Variants in UIMC1 observed in about 807,000 individuals in gnomAD.
UIMC1 encodes the protein ubiquitin interaction motif containing 1.
A neutral mutation model predicts 84.9 loss-of-function variants in UIMC1; 42 were observed. The ratio of observed to expected loss-of-function variants is 0.49; its 90% CI spans 0.39 to 0.64. The LOEUF (loss-of-function observed/expected upper bound fraction) is 0.64, where lower values mean the gene tolerates loss of function less well. UIMC1 is among the 30% of genes least tolerant of loss of function. The pLI is 0.00. For missense variants in UIMC1, 825 were observed against 847.6 expected (o/e 0.97, Z 0.33); for synonymous variants, 281 against 293.0 (o/e 0.96, Z 0.42).
chr5:176,906,020 C>A lies in UIMC1; in HGVS notation c.1940G>T (p.Gly647Val). The A allele has an allele frequency of 6.2e-7, 1 of 1,614,044 alleles. No individual in the cohort carries two copies. Among genetic ancestry groups the A allele is most frequent in the Non-Finnish European group, 8.5e-7 (1 of 1,179,962 alleles). The change falls in exon 14 of 15, where the codon GGA (glycine) becomes GTA (valine). Residue 647 changes from glycine to valine, a missense_variant. Physicochemically the swap from Gly to Val is moderately radical, Grantham distance 109. Coordinates refer to ENST00000511320, the MANE Select transcript of UIMC1 (RefSeq NM_001199298.2). ...SDADIKSSET[G>V]AFRVPSPGME... ...GCACAATCCAATTCACCTGAAGGCTCCTGTTTCTGAAGACTTGATGTCTGC... is the reference window on the plus strand; with the variant it reads ...GCACAATCCAATTCACCTGAAGGCTACTGTTTCTGAAGACTTGATGTCTGC...
chr5:177,020,722 G>A (rs920774448), intron 1 of UIMC1, among the ~76,000 whole-genome samples: 7 of 152,112 alleles, frequency 4.6e-5, no homozygotes, highest in Admixed American at 1.3e-4. Flanking sequence ...GAGCCACTGC[G>A]CCAGGCCTAC....
intron 11 of UIMC1, among the ~76,000 whole-genome samples, chr5:176,910,309 A>AT (rs1254525406): frequency 2.0e-5 from 3 of 152,230 alleles, no homozygotes; most frequent in Non-Finnish European, 4.4e-5. Flanking sequence ...TAACTGCTCT[A>AT]ATCTACTGTT....
rs1368366632 is a variant in UIMC1 at position 176,906,044 on chromosome 5, G to C, written c.1916C>G (p.Ala639Gly). The C allele has an allele frequency of 1.9e-6, 3 of 1,613,676 alleles. No homozygotes were observed. The highest frequency in any genetic ancestry group is 1.3e-5 in the African/African-American group (1 of 74,914). ...LEQSEHKTSD[A>G]DIKSSETGAF... is the part of the protein sequence containing the mutation. ...TCCTGTTTCTGAAGACTTGATGTCT[G>C]CATCTGTGATATAAAAGAAAAAATA... The change falls in exon 14 of 15, where the codon GCA becomes GGA. Residue 639 changes from alanine (A) to glycine (G), a missense_variant. Physicochemically the swap from Ala to Gly is moderately conservative, Grantham distance 60. Coordinates refer to ENST00000511320, the MANE Select transcript of UIMC1 (RefSeq NM_001199298.2).
chr5:176,942,661 G>A (rs1764574137), intron 10 of UIMC1, among the ~76,000 whole-genome samples: 2 of 151,364 alleles, frequency 1.3e-5, no homozygotes, highest in African/African-American at 4.9e-5. Flanking sequence ...CAGGAGAATG[G>A]TGTGAACCCA....
At position 176,966,935 on chromosome 5, in the gene UIMC1, A is replaced by G. The variant is rs1335951040; in HGVS notation, c.1200+1620T>C. On this transcript the variant is annotated intron_variant, in intron 6 of 14. Transcript: ENST00000511320. Reference sequence around the variant, plus strand: ...AAATGGGTCTTAGACATGTGAGAAAAAAGTTCAGCCTCACAAATAGTAAGA... The same window carrying G: ...AAATGGGTCTTAGACATGTGAGAAAGAAGTTCAGCCTCACAAATAGTAAGA... 2.0e-5 allele frequency among the ~76,000 whole-genome samples: 3 copies of G among 152,232 alleles called. No homozygotes were observed. The East Asian group carries it at 5.8e-4, about 29-fold the overall frequency.
At chr5:177,010,737 G>A (rs1233479084), upstream of UIMC1, among the ~76,000 whole-genome samples, 2 of 152,058 alleles carry the variant, frequency 1.3e-5, no homozygotes, top group African/African-American at 2.4e-5. Flanking sequence ...TGGCCAAGCT[G>A]GTCTTGAACT....
intron 9 of UIMC1, among the ~76,000 whole-genome samples, chr5:176,950,077 C>G (rs1015254487): frequency 1.3e-5 from 2 of 148,392 alleles, no homozygotes; most frequent in Non-Finnish European, 3.0e-5. Context: ...ATACAAAATT[C>G]CAGAATATAA....
chr5:176,996,225 T>C (rs983245180), intron 1 of UIMC1, among the ~76,000 whole-genome samples: 2 of 152,044 alleles, frequency 1.3e-5, no homozygotes, highest in Admixed American at 6.6e-5. Context: ...TGTATGAAAC[T>C]AGAAAAAAAC....
chr5:176,934,528 A>G (rs1302616870), intron 10 of UIMC1, among the ~76,000 whole-genome samples: 2 of 152,212 alleles, frequency 1.3e-5, no homozygotes, highest in African/African-American at 2.4e-5. Context: ...CTGATCCTCA[A>G]TTATGTCAAT....
intron 10 of UIMC1, among the ~76,000 whole-genome samples, chr5:176,924,479 G>C (rs1316420105): frequency 6.6e-6 from 1 of 151,620 alleles, no homozygotes; most frequent in South Asian, 2.1e-4. Context: ...AAATAAAAAA[G>C]AGAAGCCAGA....
At chr5:176,936,593 T>C (rs1190030159) in intron 10 of UIMC1, among the ~76,000 whole-genome samples, 1 of 152,180 alleles carries the variant, frequency 6.6e-6, no homozygotes, top group Non-Finnish European at 1.5e-5. Flanking sequence ...CTGTGCTCTG[T>C]CCATCTGCAC....
chr5:177,021,422 T>C lies in UIMC1; in HGVS notation c.-9+1042A>G, dbSNP rs190220191. ...AAGCAGGAAAGAAGGACATGAAGTGTGTGTGGAAAAGTAACATTTTAGATG... is the reference window on the plus strand; with the variant it reads ...AAGCAGGAAAGAAGGACATGAAGTGCGTGTGGAAAAGTAACATTTTAGATG... On this transcript the variant is annotated intron_variant, in intron 1 of 5. Coordinates refer to the UIMC1 transcript ENST00000509236. Among the ~76,000 whole-genome samples, 7 of 152,102 alleles carry C rather than the reference T, an allele frequency of 4.6e-5. No individual in the cohort carries two copies. In the South Asian group the frequency reaches 6.2e-4, roughly 14 times the overall value.
At chr5:176,977,223 CAAAAA>C (rs1016279747) in intron 2 of UIMC1, among the ~76,000 whole-genome samples, 6 of 71,634 alleles carry the variant, frequency 8.4e-5, no homozygotes, top group Admixed American at 1.7e-4. Context: ...GATTCTGTCT[CAAAAA>C]AAAAAAAAAA....
chr5:176,944,130 G>A (rs1478625600), intron 9 of UIMC1, among the ~76,000 whole-genome samples: 1 of 152,148 alleles, frequency 6.6e-6, no homozygotes, highest in African/African-American at 2.4e-5. Flanking sequence ...AGAGCTCTAA[G>A]CCAAAAACAG....
At chr5:176,937,569 C>CA (rs992847812) in intron 10 of UIMC1, among the ~76,000 whole-genome samples, 246 of 152,222 alleles carry the variant, frequency 1.6e-3, no homozygotes, top group African/African-American at 5.7e-3. Context: ...CGTCATTGAG[C>CA]AAAAAACTGA....
intron 6 of UIMC1, among the ~76,000 whole-genome samples, chr5:176,958,865 T>G (rs1445680931): frequency 3.9e-5 from 6 of 152,250 alleles, no homozygotes; most frequent in Admixed American, 6.5e-5. Flanking sequence ...TAAACATACA[T>G]GCACAGAAGA....
intron 2 of UIMC1, among the ~76,000 whole-genome samples, chr5:176,977,177 C>T (rs1434922816): frequency 5.4e-5 from 8 of 148,484 alleles, no homozygotes; most frequent in Non-Finnish European, 8.9e-5. Context: ...GAGCCAAGAT[C>T]GCGCCACTGC....
At chr5:176,930,197 C>T (rs529208426) in intron 10 of UIMC1, among the ~76,000 whole-genome samples, 1 of 152,256 alleles carries the variant, frequency 6.6e-6, no homozygotes, top group East Asian at 1.9e-4. Context: ...GCCTCCACCC[C>T]ATCCCCCACC....
At chr5:176,963,852 A>T (rs1274735090) in intron 6 of UIMC1, among the ~76,000 whole-genome samples, 1 of 152,150 alleles carries the variant, frequency 6.6e-6, no homozygotes, top group Non-Finnish European at 1.5e-5. Flanking sequence ...TTCTGATAAA[A>T]AAAAAAAAAT....
Sources: gnomAD v4.1 joint callset for allele counts (sites outside exome capture counted in the v4.1 genomes callset) on GRCh38, gnomAD v4.1.1 for gene constraint, MANE v1.5 for transcripts, NCBI Gene and HGNC (gene_info 2026-07-23, HGNC 2026-07-21) for gene names.